Variants in DISP3 observed in about 807,000 individuals in gnomAD.
The protein encoded by DISP3 is dispatched RND transporter family member 3, also known as protein dispatched homolog 3.
Under a neutral mutation model 135.3 loss-of-function variants are expected in DISP3, and 101 were observed. That is an observed-to-expected ratio of 0.75 (90% CI 0.64 to 0.88). The LOEUF (loss-of-function observed/expected upper bound fraction) is 0.88, where lower values mean the gene tolerates loss of function less well. Among genes scored for constraint, DISP3 ranks in the 40% least tolerant of loss-of-function variants. DISP3 has a pLI of 0.00. For missense variants in DISP3, 1,713 were observed against 1,878.6 expected (o/e 0.91, Z 1.63); for synonymous variants, 856 against 817.0 (o/e 1.05, Z -0.81).
intron 15 of DISP3, 85 bp downstream of exon 15, chr1:11,530,044 G>A: frequency 6.5e-7 from 1 of 1,529,758 alleles, no homozygotes; most frequent in Admixed American, 1.8e-5. Flanking sequence ...ACCATGTCCA[G>A]CTCCTCACAC....
In DISP3 at chr1:11,536,723, C is replaced by T; in HGVS notation, c.*37C>T. ...CTCTGGACACTTGCACCTTTGGTCCCATGGGTGGGGGACAGGAGCTGCTTC... is the reference window on the plus strand; with the variant it reads ...CTCTGGACACTTGCACCTTTGGTCCTATGGGTGGGGGACAGGAGCTGCTTC... On this transcript the variant is annotated 3_prime_UTR_variant, in exon 21 of 21. Transcript: ENST00000294484. The surrounding 1 kb of genome is among the most constrained non-coding windows in gnomAD (Gnocchi z 4.3). The T allele has an allele frequency of 5.4e-6, 8 of 1,486,170 alleles. No homozygotes were observed. Among genetic ancestry groups the T allele is most frequent in the Non-Finnish European group, 7.1e-6 (8 of 1,120,300 alleles). The allele number at this position is 1,486,170 out of a possible 1,614,324, so 92.1% of individuals were successfully genotyped here. A position where few individuals can be genotyped will look rare whatever the true frequency, so the allele number is the denominator to read the frequency against.
At chr1:11,492,750 G>A (rs1025669863) in intron 1 of DISP3, among the ~76,000 whole-genome samples, 1 of 152,216 alleles carries the variant, frequency 6.6e-6, no homozygotes, top group African/African-American at 2.4e-5. Flanking sequence ...GGTTTCCCTG[G>A]GGCTGGGGCA....
Position 11,525,328 on chromosome 1 carries a change from C to T in DISP3, c.2613+16C>T, listed in dbSNP as rs201980534. On this transcript the variant is annotated intron_variant, in intron 12 of 20. Transcript: ENST00000294484. ...CTCCTTCCAGGTGAGCCTGGGCTGT[C>T]GTGAAGTGAGCCGCCACCACTGTGG... The T allele has an allele frequency of 5.8e-5, 93 of 1,606,466 alleles. 1 individual carries two copies. The South Asian group carries it at 8.4e-4, about 14-fold the overall frequency.
chr1:11,536,245 G>T lies in DISP3; in HGVS notation c.3817-79G>T. 6.6e-7 allele frequency: 1 copy of T among 1,511,872 alleles called. No individual in the cohort carries two copies. Among genetic ancestry groups the T allele is most frequent in the Non-Finnish European group, 8.8e-7 (1 of 1,135,744 alleles). 93.7% of individuals were successfully genotyped at this position (1,511,872 alleles called of 1,614,324 possible). A position where few individuals can be genotyped will look rare whatever the true frequency, so the allele number is the denominator to read the frequency against. ...ACAGAGCAGGAACCTGGCGTGGGGT[G>T]GGGGTGCGTGATTCCCCAGGTGCTG... On this transcript the variant is annotated intron_variant, in intron 20 of 20. Coordinates refer to ENST00000294484, the MANE Select transcript of DISP3 (RefSeq NM_020780.2). This position sits in a 1 kb window ranked among gnomAD's most constrained non-coding sequence, Gnocchi z 4.3.
intron 12 of DISP3, among the ~76,000 whole-genome samples, chr1:11,526,150 G>A (rs1455254600): frequency 1.3e-5 from 2 of 152,158 alleles, no homozygotes; most frequent in East Asian, 3.9e-4. Flanking sequence ...CTGCCTCTAA[G>A]CCTCGCATGT....
At position 11,536,367 on chromosome 1, in the gene DISP3, G is replaced by A. The variant is rs760574576; in HGVS notation, c.3860G>A (p.Arg1287Gln). 48 of 1,607,736 alleles carry A rather than the reference G, an allele frequency of 3.0e-5. No individual in the cohort carries two copies. Among genetic ancestry groups the A allele is most frequent in the Middle Eastern group, 1.7e-4 (1 of 6,058 alleles). ...QRQWRTLEAV[R>Q]HVGVAIVSSA... ...CAGTGGCGTACGCTGGAGGCCGTGC[G>A]GCACGTGGGCGTGGCCATCGTCTCC... Residue 1287 changes from arginine (R) to glutamine (Q), a missense_variant, in exon 21 of 21, where the codon CGG (arginine) becomes CAG (glutamine). By Grantham distance (43) the Arg-to-Gln change is conservative. Coordinates refer to ENST00000294484, the MANE Select transcript of DISP3 (RefSeq NM_020780.2). The surrounding 1 kb of genome is among the most constrained non-coding windows in gnomAD (Gnocchi z 4.3).
rs959278811 is a variant in DISP3 at position 11,529,902 on chromosome 1, C to T, written c.3045C>T (p.Phe1015=). ...VDTGAMVFVV[F]GIIGVNRTRQ... ...CCGGGGCCATGGTCTTTGTGGTCTT[C>T]GGCATTATTGGCGTCAACCGCACTC... Residue 1015 remains phenylalanine, a synonymous_variant, in exon 15 of 21, where the codon TTC becomes TTT. Coordinates refer to ENST00000294484, the MANE Select transcript of DISP3 (RefSeq NM_020780.2). This position sits in a 1 kb window ranked among gnomAD's most constrained non-coding sequence, Gnocchi z 4.7. 11 of 1,613,862 alleles carry T rather than the reference C, an allele frequency of 6.8e-6. No homozygotes were observed. Among genetic ancestry groups the T allele is most frequent in the African/African-American group, 4.0e-5 (3 of 74,944 alleles).
Position 11,520,841 on chromosome 1 carries a change from C to A in DISP3, c.2355C>A (p.Thr785=). Residue 785 remains threonine (T), a synonymous_variant, in exon 10 of 21, where the codon ACC becomes ACA. Transcript: ENST00000294484. This position sits in a 1 kb window ranked among gnomAD's most constrained non-coding sequence, Gnocchi z 4.8. ...GCGCCGAGGGCATCTCCTGCATCAC[C>A]TGTTCAGGTGAGGCTTCTAGCCAGG... ...NLSAEGISCI[T]CSGLFQEKPH... The A allele has an allele frequency of 1.2e-6, 2 of 1,602,714 alleles. No individual in the cohort carries two copies. Among genetic ancestry groups the A allele is most frequent in the Non-Finnish European group, 1.7e-6 (2 of 1,174,674 alleles).
rs150735726 is a variant in DISP3, at chr1:11,523,930, G to C, written c.2363-12G>C. The C allele has an allele frequency of 1.6e-5, 25 of 1,605,176 alleles. No homozygotes were observed. Among genetic ancestry groups the C allele is most frequent in the Middle Eastern group, 1.8e-4 (1 of 5,620 alleles). ...GCTGTCCTGCTGTCCTTGACATGGC[G>C]CTGGGGGGCAGGTCTGTTCCAGGAG... On this transcript the variant is annotated splice_polypyrimidine_tract_variant and intron_variant, in intron 10 of 20. Transcript: ENST00000294484.
At chr1:11,523,508 CA>C (rs1254968044) in intron 10 of DISP3, among the ~76,000 whole-genome samples, 2 of 121,814 alleles carry the variant, frequency 1.6e-5, no homozygotes, top group Admixed American at 1.9e-4. Context: ...AGACAGCAAG[CA>C]GGGGGCAGAG....
Position 11,516,682 on chromosome 1 carries a change from GGCTGGGTCCTTGGTA to G in DISP3, c.1749+522_1749+536del, listed in dbSNP as rs1642021349. Reference sequence around the variant, plus strand: ...GGCTTAGGAGAAGGCATTGAGCCCAGGCTGGGTCCTTGGTACAGAAAGACAGTGAATTGGCCCAAG... The same window carrying G: ...GGCTTAGGAGAAGGCATTGAGCCCAGCAGAAAGACAGTGAATTGGCCCAAG... On this transcript the variant is annotated intron_variant, in intron 6 of 20. Coordinates refer to ENST00000294484, the MANE Select transcript of DISP3 (RefSeq NM_020780.2). This position sits in a 1 kb window ranked among gnomAD's most constrained non-coding sequence, Gnocchi z 5.1. 6.6e-6 allele frequency among the ~76,000 whole-genome samples: 1 copy of G among 152,182 alleles called. No homozygotes were observed. The highest frequency in any genetic ancestry group is 6.5e-5 in the Admixed American group (1 of 15,282).
At chr1:11,523,482 G>A (rs1302401274) in intron 10 of DISP3, among the ~76,000 whole-genome samples, 5 of 148,978 alleles carry the variant, frequency 3.4e-5, no homozygotes, top group Admixed American at 3.3e-4. Flanking sequence ...GGGCAAGCGG[G>A]GGCAGAGTGG....
chr1:11,515,024 G>A lies in DISP3; in HGVS notation c.1454-345G>A, dbSNP rs72635500. ...TCCAAAATGGAAAAGACATTCATTC[G>A]TCCATACAACAGATATTTACTGGGC... On this transcript the variant is annotated intron_variant, in intron 4 of 20. Coordinates refer to ENST00000294484, the MANE Select transcript of DISP3 (RefSeq NM_020780.2). Among the ~76,000 whole-genome samples the A allele has an allele frequency of 4.1e-3, 624 of 152,290 alleles. 4 individuals carry two copies. The highest frequency in any genetic ancestry group is 5.3e-3 in the Non-Finnish European group (363 of 68,032).
At position 11,501,137 on chromosome 1, in the gene DISP3, T is replaced by C. The variant is rs1641499661; in HGVS notation, c.145T>C (p.Trp49Arg). 6.2e-7 allele frequency: 1 copy of C among 1,613,772 alleles called. No individual in the cohort carries two copies. Among genetic ancestry groups the C allele is most frequent in the South Asian group, 1.1e-5 (1 of 91,072 alleles). The change falls in exon 2 of 21, where the codon TGG becomes CGG. Residue 49 changes from tryptophan (W) to arginine (R), a missense_variant. Around this residue, in one of 2 missense-constraint regions of DISP3, gnomAD observed 571 missense variants for 494.1 expected, o/e 1.16. Coordinates refer to ENST00000294484, the MANE Select transcript of DISP3 (RefSeq NM_020780.2). This position sits in a 1 kb window ranked among gnomAD's most constrained non-coding sequence, Gnocchi z 4.9. Reference sequence around the variant, plus strand: ...AGGGGGACAGTGTTGCTGGCGGCACTGGCCCCTGGCTTCCCGACCCCCAGC... The same window carrying C: ...AGGGGGACAGTGTTGCTGGCGGCACCGGCCCCTGGCTTCCCGACCCCCAGC... ...GAGGQCCWRHWPLASRPPASG... is the reference protein window; with the variant it reads ...GAGGQCCWRHRPLASRPPASG...
At position 11,491,370 on chromosome 1, in the gene DISP3, G is replaced by C. The variant is rs934614916; in HGVS notation, c.-3-9620G>C. The stretch of plus-strand genomic sequence containing the variant: ...CTACTGTAATTCCAACAGTTTGGGA[G>C]ACTGGGGCAGAAAGATTGCTTGAGT... On this transcript the variant is annotated intron_variant, in intron 1 of 20. Transcript: ENST00000294484. This position sits in a 1 kb window ranked among gnomAD's most constrained non-coding sequence, Gnocchi z 4.3. Among the ~76,000 whole-genome samples the C allele has an allele frequency of 6.6e-6, 1 of 152,184 alleles. No homozygotes were observed. The highest frequency in any genetic ancestry group is 2.4e-5 in the African/African-American group (1 of 41,440).
intron 17 of DISP3, chr1:11,533,931 G>A: frequency 1.4e-6 from 1 of 705,984 alleles, no homozygotes; most frequent in South Asian, 1.5e-5. Context: ...AGTCCCACCT[G>A]CCAGGGCCAG....
chr1:11,527,121 G>A (rs1392543102), intron 13 of DISP3, among the ~76,000 whole-genome samples: 1 of 152,138 alleles, frequency 6.6e-6, no homozygotes, highest in African/African-American at 2.4e-5. Flanking sequence ...TTTTAGTAGA[G>A]ATGGGGTTTT....
At position 11,529,234 on chromosome 1, in the gene DISP3, C is replaced by A. The variant is rs1642508456; in HGVS notation, c.2799-322C>A. On this transcript the variant is annotated intron_variant, in intron 13 of 20. Coordinates refer to ENST00000294484, the MANE Select transcript of DISP3 (RefSeq NM_020780.2). The surrounding 1 kb of genome is among the most constrained non-coding windows in gnomAD (Gnocchi z 4.7). The stretch of plus-strand genomic sequence containing the variant: ...TGGGGGTCCCTCCTGAACCCTCGTA[C>A]CCCCGGGGGACAGTTTGAAAGCTGC... Among the ~76,000 whole-genome samples the A allele has an allele frequency of 6.6e-6, 1 of 152,044 alleles. No homozygotes were observed. The highest frequency in any genetic ancestry group is 6.5e-5 in the Admixed American group (1 of 15,272).
chr1:11,503,719 T>C (rs1641620422), intron 3 of DISP3, among the ~76,000 whole-genome samples: 1 of 152,102 alleles, frequency 6.6e-6, no homozygotes, highest in South Asian at 2.1e-4. Flanking sequence ...GCTTTATGAG[T>C]TCTCTCCATA....
Sources: gnomAD v4.1 joint callset for allele counts (sites outside exome capture counted in the v4.1 genomes callset) on GRCh38, gnomAD v4.1.1 for gene constraint, gnomAD v4.1.1 regional missense constraint, Gnocchi (gnomAD v3.1) non-coding constraint, MANE v1.5 for transcripts, NCBI Gene and HGNC (gene_info 2026-07-23, HGNC 2026-07-21) for gene names.